The following PSMF1 variants were observed in gnomAD, a reference collection of about 807,000 sequenced individuals.
The protein encoded by PSMF1 is proteasome inhibitor PI31 subunit.
PSMF1 carries 30 observed loss-of-function variants against 29.3 expected under a neutral mutation model. The observed-to-expected ratio is 1.02, with a 90% CI of 0.77 to 1.39. PSMF1 has a LOEUF of 1.39. PSMF1 is among the 40% of genes most tolerant of loss of function. The probability of loss-of-function intolerance (pLI) is 0.00; values close to 1 mark genes in which losing one functional copy is unlikely to be tolerated. For synonymous variants in PSMF1, 134 were observed against 139.7 expected (o/e 0.96, Z 0.29); for missense variants, 344 against 357.5 (o/e 0.96, Z 0.31).
intron 1 of PSMF1, among the ~76,000 whole-genome samples, chr20:1,119,856 A>C (rs1343749227): frequency 6.6e-6 from 1 of 152,124 alleles, no homozygotes; most frequent in East Asian, 1.9e-4. Context: ...CTCAGAACCA[A>C]GACTAGCCAT....
intron 4 of PSMF1, among the ~76,000 whole-genome samples, chr20:1,149,390 C>T (rs6077915): frequency 0.41 from 62,095 of 152,004 alleles, 13,457 homozygotes; most frequent in Admixed American, 0.48. Flanking sequence ...TGTAGAAGAT[C>T]GTGTATTTTG....
At chr20:1,157,723 A>G (rs1600171049) in intron 4 of PSMF1, among the ~76,000 whole-genome samples, 1 of 150,896 alleles carries the variant, frequency 6.6e-6, no homozygotes, top group Non-Finnish European at 1.5e-5. Flanking sequence ...CCCATTCTGT[A>G]TTCCCTTTGC....
At chr20:1,132,332 G>A (rs2086240988) in intron 3 of PSMF1, among the ~76,000 whole-genome samples, 1 of 151,290 alleles carries the variant, frequency 6.6e-6, no homozygotes, top group South Asian at 2.1e-4. Context: ...CTGGAGTGCA[G>A]TGGTGTGATC....
chr20:1,160,180 A>G (rs1408921007), intron 4 of PSMF1, among the ~76,000 whole-genome samples: 1 of 152,014 alleles, frequency 6.6e-6, no homozygotes, highest in African/African-American at 2.4e-5. Context: ...GGTTGTAATT[A>G]TACATACCAC....
rs749845452 is a variant in PSMF1, at chr20:1,166,229, C to T, written c.*1149C>T. ...GGTGTTCTCCGGATCCTTTTCAGCCCGAGGCCTGACAGACGCGGGCAGTGA... is the reference window on the plus strand; with the variant it reads ...GGTGTTCTCCGGATCCTTTTCAGCCTGAGGCCTGACAGACGCGGGCAGTGA... On this transcript the variant is annotated 3_prime_UTR_variant, in exon 7 of 7. Transcript: ENST00000335877. The T allele has an allele frequency of 9.9e-6, 16 of 1,612,238 alleles. No individual in the cohort carries two copies. Among genetic ancestry groups the T allele is most frequent in the African/African-American group, 6.7e-5 (5 of 74,898 alleles).
chr20:1,157,539 A>G (rs1364679985), intron 4 of PSMF1, among the ~76,000 whole-genome samples: 1 of 152,180 alleles, frequency 6.6e-6, no homozygotes, highest in Non-Finnish European at 1.5e-5. Context: ...AGTAAACCTT[A>G]TGTCACATGA....
chr20:1,127,206 G>A, intron 2 of PSMF1: 2 of 709,260 alleles, frequency 2.8e-6, no homozygotes, highest in East Asian at 2.5e-5. Flanking sequence ...AAAGAGCCTG[G>A]GAAGTAGGTG....
At chr20:1,132,240 C>T (rs1440343723) in intron 3 of PSMF1, among the ~76,000 whole-genome samples, 1 of 151,548 alleles carries the variant, frequency 6.6e-6, no homozygotes, top group African/African-American at 2.4e-5. Context: ...AGGTTCTGTG[C>T]CTTTTCTTTT....
Position 1,167,254 on chromosome 20 carries a change from G to C in PSMF1, c.*2174G>C, listed in dbSNP as rs2086741401. On this transcript the variant is annotated 3_prime_UTR_variant, in exon 7 of 7. Coordinates refer to ENST00000335877, the MANE Select transcript of PSMF1 (RefSeq NM_006814.5). ...TAATCATCAAGGAGCAAGTTGGAGT[G>C]TTTCAGGTGTATATTTTGTAGAACC... 1 of 152,066 alleles carries C rather than the reference G, an allele frequency of 6.6e-6. No homozygotes were observed. The highest frequency in any genetic ancestry group is 1.5e-5 in the Non-Finnish European group (1 of 68,036). The allele number at this position is 152,066 out of a possible 1,614,324, so 9.4% of individuals were successfully genotyped here.
At position 1,127,539 on chromosome 20, in the gene PSMF1, A is replaced by C. The variant is rs781456753; in HGVS notation, c.365+31A>C. The C allele has an allele frequency of 2.0e-5, 31 of 1,513,376 alleles. No individual in the cohort carries two copies. The Middle Eastern group carries it at 1.2e-3, about 58-fold the overall frequency. 93.7% of individuals were successfully genotyped at this position (1,513,376 alleles called of 1,614,324 possible). ...TCTAAATGATGTCTCTTCCCTGGGA[A>C]AAAGAAGAGAGAACTAATGGCAAGA... is the stretch of plus-strand genomic sequence containing the variant. On this transcript the variant is annotated intron_variant, in intron 3 of 6. Coordinates refer to ENST00000335877, the MANE Select transcript of PSMF1 (RefSeq NM_006814.5).
chr20:1,135,831 A>G (rs1481971468), intron 4 of PSMF1, among the ~76,000 whole-genome samples: 1 of 152,186 alleles, frequency 6.6e-6, no homozygotes, highest in East Asian at 1.9e-4. Flanking sequence ...TCACATTCCA[A>G]GGTTTTTGCA....
At chr20:1,144,239 C>A (rs1568474514) in intron 4 of PSMF1, among the ~76,000 whole-genome samples, 1 of 152,282 alleles carries the variant, frequency 6.6e-6, no homozygotes, top group East Asian at 1.9e-4. Flanking sequence ...GAGTTTCACA[C>A]CTATTAGAAT....
At chr20:1,127,734 G>T (rs2086177439) in intron 3 of PSMF1, among the ~76,000 whole-genome samples, 1 of 152,202 alleles carries the variant, frequency 6.6e-6, no homozygotes, top group Admixed American at 6.5e-5. Flanking sequence ...GAGTCCACAA[G>T]TGCAGTGGTG....
intron 4 of PSMF1, among the ~76,000 whole-genome samples, chr20:1,158,697 T>C (rs529990278): frequency 7.2e-4 from 109 of 152,370 alleles, no homozygotes; most frequent in African/African-American, 2.5e-3. Context: ...CATGCAGTTT[T>C]TCCTGCAGGG....
intron 4 of PSMF1, among the ~76,000 whole-genome samples, chr20:1,139,757 A>AAAAG (rs57718820): frequency 4.7e-5 from 7 of 147,796 alleles, no homozygotes; most frequent in African/African-American, 7.5e-5. Flanking sequence ...AAAAAAAAAA[A>AAAAG]CGATAAAAAT....
At position 1,159,747 on chromosome 20, in the gene PSMF1, G is replaced by T. The variant is rs1242596940; in HGVS notation, c.552-3383G>T. ...TTGACTGCTAGCTCCATGAACTGTGGCTTGGGAGCAGTAACCTAGGTCAGG... is the reference window on the plus strand; with the variant it reads ...TTGACTGCTAGCTCCATGAACTGTGTCTTGGGAGCAGTAACCTAGGTCAGG... On this transcript the variant is annotated intron_variant, in intron 4 of 6. Coordinates refer to ENST00000335877, the MANE Select transcript of PSMF1 (RefSeq NM_006814.5). Among the ~76,000 whole-genome samples, 12 of 152,290 alleles carry T rather than the reference G, an allele frequency of 7.9e-5. No homozygotes were observed. The East Asian group carries it at 2.1e-3, about 27-fold the overall frequency.
At position 1,163,619 on chromosome 20, in the gene PSMF1, T is replaced by A. The variant is rs1176367082; in HGVS notation, c.605+436T>A. 6.6e-6 allele frequency among the ~76,000 whole-genome samples: 1 copy of A among 152,254 alleles called. No individual in the cohort carries two copies. Among genetic ancestry groups the A allele is most frequent in the Non-Finnish European group, 1.5e-5 (1 of 68,036 alleles). ...TCTGCTATCCACTGTCTTCCCTGAA[T>A]GATTCCAAATAGATTTTAACCTCTG... On this transcript the variant is annotated intron_variant, in intron 5 of 6. Transcript: ENST00000335877. The surrounding 1 kb of genome is among the most constrained non-coding windows in gnomAD (Gnocchi z 6.1).
intron 3 of PSMF1, among the ~76,000 whole-genome samples, chr20:1,130,490 C>G (rs149337929): frequency 2.4e-3 from 365 of 152,330 alleles, no homozygotes; most frequent in Non-Finnish European, 3.7e-3. Context: ...CTGCCCTCTT[C>G]AGACCTCTTC....
At chr20:1,146,068 G>A (rs902895658) in intron 4 of PSMF1, among the ~76,000 whole-genome samples, 4 of 152,136 alleles carry the variant, frequency 2.6e-5, no homozygotes, top group Admixed American at 6.5e-5. Context: ...AGGGATCCTA[G>A]GGTTGGGCCC....
Sources: gnomAD v4.1 joint callset for allele counts (sites outside exome capture counted in the v4.1 genomes callset) on GRCh38, gnomAD v4.1.1 for gene constraint, Gnocchi (gnomAD v3.1) non-coding constraint, MANE v1.5 for transcripts, NCBI Gene and HGNC (gene_info 2026-07-23, HGNC 2026-07-21) for gene names.